ZBBX: variants seen among roughly 807,000 people sequenced by gnomAD.
ZBBX encodes the protein zinc finger B-box domain containing.
Under a neutral mutation model 108.5 loss-of-function variants are expected in ZBBX, and 101 were observed. That is an observed-to-expected ratio of 0.93 (90% CI 0.79 to 1.10). The LOEUF (loss-of-function observed/expected upper bound fraction) is 1.10. ZBBX is among the 50% of genes least tolerant of loss of function. The probability of loss-of-function intolerance (pLI) is 0.00; values close to 1 mark genes in which losing one functional copy is unlikely to be tolerated. For synonymous variants in ZBBX, 356 were observed against 323.4 expected, an observed-to-expected ratio of 1.10 and a Z score of -1.08; for missense variants, 1,009 against 941.4, an observed-to-expected ratio of 1.07 and a Z score of -0.94.
At chr3:167,249,510 T>C (rs1190334815) in intron 20 of ZBBX, among the ~76,000 whole-genome samples, 1 of 152,192 alleles carries the variant, frequency 6.6e-6, no homozygotes, top group African/African-American at 2.4e-5. Context: ...TAAAAATCTT[T>C]GCTCTAGACA....
chr3:167,256,345 T>C (rs1163910257), intron 20 of ZBBX, among the ~76,000 whole-genome samples: 2 of 152,118 alleles, frequency 1.3e-5, no homozygotes, highest in Non-Finnish European at 2.9e-5. Flanking sequence ...AGTAGGTGTA[T>C]ATATTTATGG....
At chr3:167,383,620 C>T (rs926101019), upstream of ZBBX, among the ~76,000 whole-genome samples, 1 of 151,980 alleles carries the variant, frequency 6.6e-6, no homozygotes, top group African/African-American at 2.4e-5. Context: ...TTTCATAACA[C>T]AAGGCAATTA....
intron 18 of ZBBX, among the ~76,000 whole-genome samples, chr3:167,290,266 C>T (rs374851429): frequency 4.6e-5 from 7 of 152,200 alleles, no homozygotes; most frequent in African/African-American, 1.7e-4. Context: ...TGGGAGACAA[C>T]TCCCAGCAGA....
intron 10 of ZBBX, among the ~76,000 whole-genome samples, 177 bp downstream of exon 10, chr3:167,333,650 G>T (rs758007114): frequency 1.1e-4 from 17 of 152,246 alleles, no homozygotes; most frequent in Non-Finnish European, 2.4e-4. Flanking sequence ...ATCAAAGCAG[G>T]CTTCTTGAAA....
chr3:167,272,715 G>A (rs780124102), intron 20 of ZBBX, among the ~76,000 whole-genome samples: 5 of 152,072 alleles, frequency 3.3e-5, no homozygotes, highest in Non-Finnish European at 7.4e-5. Flanking sequence ...AAAGTCAGAG[G>A]CAACTCTCAG....
chr3:167,257,746 T>C (rs1032241214), intron 20 of ZBBX, among the ~76,000 whole-genome samples: 1 of 152,196 alleles, frequency 6.6e-6, no homozygotes, highest in African/African-American at 2.4e-5. Flanking sequence ...ATTTACCTGA[T>C]CATTAGCGAT....
intron 14 of ZBBX, 152 bp from the exon 15 acceptor site, chr3:167,315,981 A>G (rs1200703971): frequency 1.9e-6 from 1 of 514,760 alleles, no homozygotes; most frequent in Non-Finnish European, 3.5e-6. Context: ...AAGTTCTAGG[A>G]GAACTAAACA....
intron 9 of ZBBX, among the ~76,000 whole-genome samples, chr3:167,342,978 A>G (rs182857652): frequency 2.6e-5 from 4 of 152,026 alleles, no homozygotes; most frequent in Admixed American, 2.0e-4. Flanking sequence ...GTAATAAAAA[A>G]GAAAACAGCC....
the ZBBX span, among the ~76,000 whole-genome samples, chr3:167,219,968 A>G: frequency 1.3e-5 from 2 of 152,056 alleles, no homozygotes; most frequent in African/African-American, 4.8e-5. Context: ...TACTATGAGG[A>G]ACAATGTGCC....
At chr3:167,405,315 C>G (rs1273134530) in intron 1 of ZBBX, among the ~76,000 whole-genome samples, 3 of 152,036 alleles carry the variant, frequency 2.0e-5, no homozygotes, top group East Asian at 3.9e-4. Context: ...CCCTTGACCT[C>G]TGACATAAAC....
chr3:167,233,234 G>C, the ZBBX span, among the ~76,000 whole-genome samples: 1 of 151,816 alleles, frequency 6.6e-6, no homozygotes, highest in Non-Finnish European at 1.5e-5. Flanking sequence ...ACAATTGTTT[G>C]GAACTGAACC....
chr3:167,323,238 AG>A (rs34327421), intron 11 of ZBBX, among the ~76,000 whole-genome samples: 23 of 30,476 alleles, frequency 7.5e-4, no homozygotes, highest in Middle Eastern at 0.043. Context: ...GAGCTAAAAG[AG>A]GGGGGGGGGG....
At chr3:167,349,174 C>T (rs1421935031) in intron 9 of ZBBX, among the ~76,000 whole-genome samples, 1 of 152,056 alleles carries the variant, frequency 6.6e-6, no homozygotes, top group Admixed American at 6.6e-5. Context: ...CTTAACGTCA[C>T]TGAGTGATAA....
At chr3:167,212,685 G>T in the ZBBX span, among the ~76,000 whole-genome samples, 1 of 152,128 alleles carries the variant, frequency 6.6e-6, no homozygotes, top group African/African-American at 2.4e-5. Flanking sequence ...CTAAGCTGGG[G>T]CAGGAACATA....
intron 20 of ZBBX, among the ~76,000 whole-genome samples, chr3:167,254,008 G>T (rs1444961215): frequency 6.6e-6 from 1 of 152,102 alleles, no homozygotes; most frequent in East Asian, 1.9e-4. Context: ...CCTGCTCCTG[G>T]ATTGGATCCT....
chr3:167,189,944 C>T, the ZBBX span, among the ~76,000 whole-genome samples: 3 of 152,128 alleles, frequency 2.0e-5, no homozygotes, highest in African/African-American at 7.2e-5. Flanking sequence ...TATTTGAAAC[C>T]TCCTTTTTCA....
intron 18 of ZBBX, among the ~76,000 whole-genome samples, chr3:167,290,366 C>T (rs1730467691): frequency 6.6e-6 from 1 of 152,198 alleles, no homozygotes; most frequent in Admixed American, 6.5e-5. Flanking sequence ...GAACAGGCAG[C>T]AATCTTTGCT....
At chr3:167,355,813 A>G (rs1239463331) in intron 8 of ZBBX, among the ~76,000 whole-genome samples, 1 of 151,990 alleles carries the variant, frequency 6.6e-6, no homozygotes, top group Non-Finnish European at 1.5e-5. Flanking sequence ...ATTCTTTCTC[A>G]AAATCATTTT....
At chr3:167,191,930 T>G in the ZBBX span, among the ~76,000 whole-genome samples, 29,546 of 127,238 alleles carry the variant, frequency 0.23, 4,588 homozygotes, top group Non-Finnish European at 0.27. Context: ...TATATATATA[T>G]ATATAGAGCA....
Sources: allele counts gnomAD v4.1 joint callset (sites outside exome capture counted in the v4.1 genomes callset), GRCh38; gene constraint gnomAD v4.1.1; transcripts MANE v1.5; gene names NCBI Gene and HGNC (gene_info 2026-07-23, HGNC 2026-07-21).